The following SFSWAP variants were observed in gnomAD, a reference collection of about 807,000 sequenced individuals.
SFSWAP encodes splicing factor, suppressor of white-apricot homolog.
SFSWAP carries 17 observed loss-of-function variants against 100.7 expected under a neutral mutation model. The ratio of observed to expected loss-of-function variants is 0.17; its 90% confidence interval spans 0.12 to 0.25. The LOEUF (loss-of-function observed/expected upper bound fraction) is 0.25, where lower values mean the gene tolerates loss of function less well. Ranked by LOEUF, SFSWAP falls within the 10% of genes least tolerant of loss-of-function variation. The pLI, the probability that SFSWAP is intolerant of heterozygous loss-of-function variation, is 1.00. For synonymous variants in SFSWAP, 504 were observed against 510.1 expected, an observed-to-expected ratio of 0.99 and a Z score of 0.16; for missense variants, 1,005 against 1,262.6, an observed-to-expected ratio of 0.80 and a Z score of 3.09.
At chr12:131,742,321 A>T (rs1447962244) in intron 7 of SFSWAP, among the ~76,000 whole-genome samples, 1 of 152,176 alleles carries the variant, frequency 6.6e-6, no homozygotes, top group Non-Finnish European at 1.5e-5. Flanking sequence ...ATTTTTATGT[A>T]AGAAGTCTTC....
At chr12:131,753,429 T>G in intron 8 of SFSWAP, 66 bp downstream of exon 8, 1 of 1,527,922 alleles carries the variant, frequency 6.5e-7, no homozygotes, top group Admixed American at 2.0e-5. Context: ...TGGGGCCGTC[T>G]GTGTCTCCAT....
chr12:131,765,086 T>C lies in SFSWAP; in HGVS notation c.1951+400T>C, dbSNP rs762887672. The stretch of plus-strand genomic sequence containing the variant: ...GTGAGGCTGCCTACCCACAGAACCA[T>C]TGGGCCCTTGAAGGTGGTGTGTCCC... On this transcript the variant is annotated intron_variant, in intron 12 of 17. Transcript: ENST00000261674. Among the ~76,000 whole-genome samples, 23 of 152,174 alleles carry C rather than the reference T, an allele frequency of 1.5e-4. 1 individual carries two copies. Among genetic ancestry groups the C allele is most frequent in the Non-Finnish European group, 2.8e-4 (19 of 68,030 alleles).
At chr12:131,768,371 T>G (rs1883297701) in intron 13 of SFSWAP, among the ~76,000 whole-genome samples, 1 of 152,264 alleles carries the variant, frequency 6.6e-6, no homozygotes, top group African/African-American at 2.4e-5. Flanking sequence ...CTGCTTGAAG[T>G]CACTTCGCTT....
At chr12:131,746,887 G>A (rs1177988290) in intron 7 of SFSWAP, among the ~76,000 whole-genome samples, 20 of 152,260 alleles carry the variant, frequency 1.3e-4, no homozygotes, top group African/African-American at 2.6e-4. Context: ...GGCAGATCAT[G>A]AGGTCAGGAG....
intron 7 of SFSWAP, among the ~76,000 whole-genome samples, chr12:131,738,087 T>A (rs771723847): frequency 6.6e-6 from 1 of 152,212 alleles, no homozygotes; most frequent in Non-Finnish European, 1.5e-5. Flanking sequence ...TCAGTTTTTC[T>A]TAATATTCTA....
chr12:131,761,955 T>A (rs11612242), intron 11 of SFSWAP, among the ~76,000 whole-genome samples: 27,865 of 152,058 alleles, frequency 0.18, 3,178 homozygotes, highest in Non-Finnish European at 0.25. Flanking sequence ...GCTTTGTGTT[T>A]GGTTTGCATA....
rs979025652 is a variant in SFSWAP at position 131,725,329 on chromosome 12, CTA to C, written c.607-74_607-73del. 38 of 1,222,666 alleles carry C rather than the reference CTA, an allele frequency of 3.1e-5. No individual in the cohort carries two copies. Among genetic ancestry groups the C allele is most frequent in the Non-Finnish European group, 3.9e-5 (32 of 828,072 alleles). The allele number at this position is 1,222,666 out of a possible 1,614,324, so 75.7% of individuals were successfully genotyped here. A position where few individuals can be genotyped will look rare whatever the true frequency, so the allele number is the denominator to read the frequency against. ...ATTGACAGTAAAACCAGAGTCATTT[CTA>C]TGTTTTAATGAAATCACGTGGCCGG... is the stretch of plus-strand genomic sequence containing the variant. On this transcript the variant is annotated intron_variant, in intron 4 of 17. Transcript: ENST00000261674. The surrounding 1 kb of genome is among the most constrained non-coding windows in gnomAD (Gnocchi z 4.3).
chr12:131,765,215 C>T (rs1318324602), intron 12 of SFSWAP, among the ~76,000 whole-genome samples: 2 of 152,260 alleles, frequency 1.3e-5, no homozygotes, highest in Non-Finnish European at 2.9e-5. Flanking sequence ...GTCTTCCCAT[C>T]CCGACTCCAG....
In SFSWAP at chr12:131,799,415, C is replaced by T; in HGVS notation, c.2791-8C>T. The T allele has an allele frequency of 1.2e-6, 2 of 1,614,074 alleles. No homozygotes were observed. Among genetic ancestry groups the T allele is most frequent in the Non-Finnish European group, 1.7e-6 (2 of 1,179,902 alleles). On this transcript the variant is annotated splice_region_variant and splice_polypyrimidine_tract_variant and intron_variant, in intron 17 of 17. Transcript: ENST00000261674. ...CACAGGTTCTCCTCTGTGTCTCGCC[C>T]TGCACAGGATCTCATGGCCAAAGTC...
chr12:131,726,860 G>T, intron 5 of SFSWAP, 80 bp from the exon 6 acceptor site: 1 of 878,754 alleles, frequency 1.1e-6, no homozygotes, highest in East Asian at 2.5e-5. Flanking sequence ...TAACTTGGCT[G>T]CTTCTAAGTT....
At position 131,799,019 on chromosome 12, in the gene SFSWAP, T is replaced by G. The variant is rs1201330860; in HGVS notation, c.2718-18T>G. On this transcript the variant is annotated intron_variant, in intron 16 of 17. Coordinates refer to ENST00000261674, the MANE Select transcript of SFSWAP (RefSeq NM_004592.4). ...CTTCACACGGTTGTAAGCTCTGCTC[T>G]CTCTCTCTCTGCATTAGGGGAGTCT... 28 of 1,585,238 alleles carry G rather than the reference T, an allele frequency of 1.8e-5. No individual in the cohort carries two copies. The highest frequency in any genetic ancestry group is 2.3e-5 in the Non-Finnish European group (26 of 1,154,214).
rs1884176425 is a variant in SFSWAP, at chr12:131,778,178, A to G, written c.2256A>G (p.Glu752=). 1 of 1,614,102 alleles carries G rather than the reference A, an allele frequency of 6.2e-7. No homozygotes were observed. Among genetic ancestry groups the G allele is most frequent in the Non-Finnish European group, 8.5e-7 (1 of 1,179,992 alleles). ...SSKSKDPPRE[E]EKEKKKKKHK... is the part of the protein sequence containing the mutation. ...AAAGCAAAGATCCACCGAGAGAAGA[A>G]GAGAAAGAAAAGAAAAAGAAAAAGC... Residue 752 remains glutamate, a synonymous_variant, in exon 14 of 18, where the codon GAA becomes GAG. Transcript: ENST00000261674. The surrounding 1 kb of genome is among the most constrained non-coding windows in gnomAD (Gnocchi z 4.2).
intron 15 of SFSWAP, among the ~76,000 whole-genome samples, chr12:131,791,495 G>A (rs1018078625): frequency 6.6e-6 from 1 of 152,224 alleles, no homozygotes; most frequent in African/African-American, 2.4e-5. Context: ...GTTCACATCT[G>A]TAATCCCAGC....
intron 13 of SFSWAP, among the ~76,000 whole-genome samples, chr12:131,770,824 G>A (rs186889485): frequency 6.6e-6 from 1 of 152,132 alleles, no homozygotes; most frequent in Non-Finnish European, 1.5e-5. Context: ...CCAAAACTCT[G>A]TAGCCATTAA....
chr12:131,745,322 T>C (rs1166827554), intron 7 of SFSWAP, among the ~76,000 whole-genome samples: 1 of 152,216 alleles, frequency 6.6e-6, no homozygotes, highest in Non-Finnish European at 1.5e-5. Flanking sequence ...AGGGATCTTT[T>C]AGGAATTCTT....
At chr12:131,770,870 G>A (rs1343701237) in intron 13 of SFSWAP, among the ~76,000 whole-genome samples, 1 of 152,256 alleles carries the variant, frequency 6.6e-6, no homozygotes, top group East Asian at 1.9e-4. Context: ...CCCAGCCCTG[G>A]CACCCACCTG....
At chr12:131,788,765 G>C (rs1885061587) in intron 15 of SFSWAP, among the ~76,000 whole-genome samples, 1 of 151,994 alleles carries the variant, frequency 6.6e-6, no homozygotes, top group East Asian at 1.9e-4. Flanking sequence ...GCAGACATGA[G>C]CTCCCATGCC....
chr12:131,797,304 G>T lies in SFSWAP; in HGVS notation c.2661G>T (p.Ala887=). ...CCGCGGCCCCCGCGGCCCACTCGGC[G>T]CACTCAGCCAGCGTCTCCCCTGTGG... ...PRPAAPAAHS[A]HSASVSPVES... is the part of the protein sequence containing the mutation. The change falls in exon 16 of 18, where the codon GCG becomes GCT. Residue 887 remains alanine, a synonymous_variant. Coordinates refer to ENST00000261674, the MANE Select transcript of SFSWAP (RefSeq NM_004592.4). The T allele has an allele frequency of 1.2e-6, 2 of 1,611,334 alleles. No homozygotes were observed. The highest frequency in any genetic ancestry group is 1.7e-6 in the Non-Finnish European group (2 of 1,178,946).
intron 13 of SFSWAP, among the ~76,000 whole-genome samples, chr12:131,777,541 CATT>C (rs1566049555): frequency 2.0e-5 from 3 of 152,300 alleles, no homozygotes; most frequent in Admixed American, 6.5e-5. Flanking sequence ...TCCAGTCTAT[CATT>C]GTTGGACGTT....
Sources: allele counts gnomAD v4.1 joint callset (sites outside exome capture counted in the v4.1 genomes callset), GRCh38; gene constraint gnomAD v4.1.1; non-coding constraint Gnocchi (gnomAD v3.1); transcripts MANE v1.5; gene names NCBI Gene and HGNC (gene_info 2026-07-23, HGNC 2026-07-21).